RNF103: variants seen among roughly 807,000 people sequenced by gnomAD.
The protein encoded by RNF103 is E3 ubiquitin-protein ligase RNF103.
Under a neutral mutation model 66.2 loss-of-function variants are expected in RNF103, and 23 were observed. The observed-to-expected ratio is 0.35, with a 90% CI of 0.25 to 0.49. RNF103 has a LOEUF of 0.49. Ranked by LOEUF, RNF103 falls within the 20% of genes least tolerant of loss-of-function variation. The probability of loss-of-function intolerance (pLI) is 0.98; values close to 1 mark genes in which losing one functional copy is unlikely to be tolerated. For synonymous variants in RNF103, 297 were observed against 289.9 expected, an observed-to-expected ratio of 1.02 and a Z score of -0.25; for missense variants, 730 against 814.7, an observed-to-expected ratio of 0.90 and a Z score of 1.27.
intron 3 of RNF103, among the ~76,000 whole-genome samples, chr2:86,609,552 A>G (rs1187352801): frequency 6.6e-6 from 1 of 151,882 alleles, no homozygotes; most frequent in East Asian, 1.9e-4. Flanking sequence ...ACGCCTGGCT[A>G]ATTTTTGTAT....
chr2:86,616,966 G>C, intron 2 of RNF103: 2 of 985,366 alleles, frequency 2.0e-6, no homozygotes, highest in Non-Finnish European at 2.4e-6. Flanking sequence ...ATGCTATGAA[G>C]ACTGGGGCCA....
chr2:86,617,742 A>G (rs563635463), intron 2 of RNF103: 31 of 1,012,022 alleles, frequency 3.1e-5, no homozygotes, highest in Admixed American at 1.7e-4. Flanking sequence ...AATGGAGACA[A>G]TATTTCTCTT....
chr2:86,612,205 T>G lies in RNF103; in HGVS notation c.436A>C (p.Arg146=). Residue 146 remains arginine (R), a synonymous_variant, in exon 3 of 4, where the codon AGA becomes CGA. Coordinates refer to ENST00000237455, the MANE Select transcript of RNF103 (RefSeq NM_005667.4). ...HWEKMVKKVS[R]FGIRTGTFNC... ...AATGTGCCTGTACGTATTCCAAATCTTGACACCTTTTTAACCATTTTCTCC... is the reference window on the plus strand; with the variant it reads ...AATGTGCCTGTACGTATTCCAAATCGTGACACCTTTTTAACCATTTTCTCC... 6.2e-7 allele frequency: 1 copy of G among 1,613,958 alleles called. No individual in the cohort carries two copies. Among genetic ancestry groups the G allele is most frequent in the African/African-American group, 1.3e-5 (1 of 75,042 alleles).
chr2:86,621,213 C>G (rs1243349252), intron 1 of RNF103, among the ~76,000 whole-genome samples: 1 of 152,108 alleles, frequency 6.6e-6, no homozygotes, highest in East Asian at 1.9e-4. Context: ...TTGAGTCATA[C>G]TGGGCTGTGC....
rs781483242 is a variant in RNF103, at chr2:86,604,207, G to A, written c.1694C>T (p.Pro565Leu). 1.9e-6 allele frequency: 3 copies of A among 1,613,942 alleles called. No homozygotes were observed. In the Admixed American group the frequency reaches 5.0e-5, roughly 27 times the overall value. The change falls in exon 4 of 4, where the codon CCA becomes CTA. Residue 565 changes from proline (P) to leucine (L), a missense_variant. Pro to Leu is a moderately conservative substitution (Grantham distance 98). Coordinates refer to ENST00000237455, the MANE Select transcript of RNF103 (RefSeq NM_005667.4). The stretch of plus-strand genomic sequence containing the variant: ...AGCATCACAGTGACTTGCTGTTCCT[G>A]GAGAATTGTGAAGTACGCTTTGCTT... ...EDKQSVLHNS[P>L]GTASHCDAEA...
chr2:86,612,185 G>A lies in RNF103; in HGVS notation c.456C>T (p.Gly152=), dbSNP rs145393139. The A allele has an allele frequency of 2.7e-5, 44 of 1,613,174 alleles. No homozygotes were observed. The East Asian group carries it at 4.7e-4, about 17-fold the overall frequency. The part of the protein sequence containing the change: ...KKVSRFGIRT[G]TFNCSSDPRY... ...TGGGATCACTGGAACAGTTAAATGT[G>A]CCTGTACGTATTCCAAATCTTGACA... is the stretch of plus-strand genomic sequence containing the variant. Residue 152 remains glycine, a synonymous_variant, in exon 3 of 4, where the codon GGC becomes GGT. Transcript: ENST00000237455.
Position 86,605,251 on chromosome 2 carries a change from A to C in RNF103, c.650T>G (p.Ile217Ser). ...TAHAASRIKTIYNAEHLKEEW... is the reference protein window; with the variant it reads ...TAHAASRIKTSYNAEHLKEEW... ...TTCTTTCAAGTGTTCAGCATTATAA[A>C]TGGTTTTGATCCGAGAAGCTGCATG... Residue 217 changes from isoleucine (I) to serine (S), a missense_variant, in exon 4 of 4, where the codon ATT becomes AGT. Physicochemically the swap from Ile to Ser is moderately radical, Grantham distance 142. Around this residue, in one of 3 missense-constraint regions of RNF103, gnomAD observed 327 missense variants for 369.8 expected, o/e 0.88. Transcript: ENST00000237455. 6.2e-7 allele frequency: 1 copy of C among 1,614,160 alleles called. No homozygotes were observed. Among genetic ancestry groups the C allele is most frequent in the Non-Finnish European group, 8.5e-7 (1 of 1,180,024 alleles).
In RNF103 at chr2:86,604,469, C is replaced by G. The variant is rs778082446; in HGVS notation, c.1432G>C (p.Val478Leu). The G allele has an allele frequency of 4.3e-6, 7 of 1,614,100 alleles. No individual in the cohort carries two copies. Among genetic ancestry groups the G allele is most frequent in the African/African-American group, 2.7e-5 (2 of 74,934 alleles). ...GGGTCTTCGTCCCAATCAGATTCTA[C>G]AGGAAAGTTCTGAAAAGAAGCAATC... Reference protein sequence around the residue: ...HPIASFQNFPVESDWDEDPDL... With the variant: ...HPIASFQNFPLESDWDEDPDL... The change falls in exon 4 of 4, where the codon GTA (valine) becomes CTA (leucine). Residue 478 changes from valine to leucine, a missense_variant. By Grantham distance (32) the Val-to-Leu change is conservative. This residue lies in a region of RNF103 where 355 missense variants were observed against 351.9 expected (regional missense o/e 1.01). Coordinates refer to ENST00000237455, the MANE Select transcript of RNF103 (RefSeq NM_005667.4).
At position 86,623,229 on chromosome 2, in the gene RNF103, G is replaced by A. The variant is rs957405073; in HGVS notation, c.-343C>T. 2.0e-6 allele frequency: 2 copies of A among 1,011,530 alleles called. No homozygotes were observed. The highest frequency in any genetic ancestry group is 1.7e-5 in the African/African-American group (1 of 57,844). The allele number at this position is 1,011,530 out of a possible 1,614,324, so 62.7% of individuals were successfully genotyped here. A position where few individuals can be genotyped will look rare whatever the true frequency, so the allele number is the denominator to read the frequency against. Reference sequence around the variant, plus strand: ...CGCGGGGAAGAACAAAACGAGGGACGCTTCCCCCGGGGCGGGCACTGACCC... The same window carrying A: ...CGCGGGGAAGAACAAAACGAGGGACACTTCCCCCGGGGCGGGCACTGACCC... On this transcript the variant is annotated 5_prime_UTR_variant, in exon 1 of 4. Transcript: ENST00000237455.
intron 3 of RNF103, among the ~76,000 whole-genome samples, chr2:86,608,634 C>T (rs1249932865): frequency 1.3e-5 from 2 of 151,966 alleles, no homozygotes. Flanking sequence ...TTCTCCTTCC[C>T]CGTTTTTTCC....
intron 3 of RNF103, among the ~76,000 whole-genome samples, chr2:86,610,443 T>TTTATAAGA (rs1196581627): frequency 1.3e-5 from 2 of 152,228 alleles, no homozygotes; most frequent in Admixed American, 1.3e-4. Flanking sequence ...TGCACTCTGA[T>TTTATAAGA]TTATAAGATT....
At chr2:86,616,779 G>C in intron 2 of RNF103, 1 of 985,398 alleles carries the variant, frequency 1.0e-6, no homozygotes, top group Non-Finnish European at 1.2e-6. Context: ...GAACAAATAT[G>C]TCCTTCTTTG....
At chr2:86,605,615 T>A (rs894019188) in intron 3 of RNF103, among the ~76,000 whole-genome samples, 197 bp from the exon 4 acceptor site, 1 of 152,156 alleles carries the variant, frequency 6.6e-6, no homozygotes, top group African/African-American at 2.4e-5. Flanking sequence ...TCTTTTTTTT[T>A]TATTAAATAA....
rs113971725 is a variant in RNF103 at position 86,615,187 on chromosome 2, G to A, written c.367-2913C>T. The A allele has an allele frequency of 2.9e-4, 283 of 985,400 alleles. No homozygotes were observed. The African/African-American group carries it at 4.7e-3, about 16-fold the overall frequency. 61.0% of individuals were successfully genotyped at this position (985,400 alleles called of 1,614,324 possible). A position where few individuals can be genotyped will look rare whatever the true frequency, so the allele number is the denominator to read the frequency against. ...AGGTACAAGACAATGTTCAATGCCAGGGCCTTATTTATTCAGCAACGTGTT... is the reference window on the plus strand; with the variant it reads ...AGGTACAAGACAATGTTCAATGCCAAGGCCTTATTTATTCAGCAACGTGTT... On this transcript the variant is annotated intron_variant, in intron 2 of 3. Coordinates refer to ENST00000237455, the MANE Select transcript of RNF103 (RefSeq NM_005667.4).
chr2:86,617,337 T>C lies in RNF103; in HGVS notation c.366+2993A>G, dbSNP rs1051236460. On this transcript the variant is annotated intron_variant, in intron 2 of 3. Transcript: ENST00000237455. The stretch of plus-strand genomic sequence containing the variant: ...CTTCTAAAATACAGTGGTCTCCCCT[T>C]ACCCTCAGTTTCACTTTCTGCAGTC... 2.3e-5 allele frequency: 23 copies of C among 984,606 alleles called. 1 individual carries two copies. In the Admixed American group the frequency reaches 1.4e-3, roughly 61 times the overall value. 61.0% of individuals were successfully genotyped at this position (984,606 alleles called of 1,614,324 possible). A position where few individuals can be genotyped will look rare whatever the true frequency, so the allele number is the denominator to read the frequency against.
intron 1 of RNF103, 29 bp from the exon 2 acceptor site, chr2:86,620,498 A>C: frequency 6.6e-7 from 1 of 1,511,662 alleles, no homozygotes; most frequent in Non-Finnish European, 8.9e-7. Flanking sequence ...TAACACTAAT[A>C]AGGTTGCAAG....
chr2:86,612,086 G>T, intron 3 of RNF103, 73 bp downstream of exon 3: 1 of 892,468 alleles, frequency 1.1e-6, no homozygotes, highest in Non-Finnish European at 1.8e-6. Context: ...CAGGCTTCTA[G>T]TATCATTGCC....
At chr2:86,609,786 C>T (rs931941565) in intron 3 of RNF103, among the ~76,000 whole-genome samples, 2 of 152,074 alleles carry the variant, frequency 1.3e-5, no homozygotes, top group African/African-American at 4.8e-5. Flanking sequence ...AGTCAGCTGC[C>T]CAGAGGCCAC....
In RNF103 at chr2:86,623,534, G is replaced by C; in HGVS notation, c.-648C>G. The C allele has an allele frequency of 1.0e-6, 1 of 985,194 alleles. No individual in the cohort carries two copies. Among genetic ancestry groups the C allele is most frequent in the African/African-American group, 1.7e-5 (1 of 57,208 alleles). 61.0% of individuals were successfully genotyped at this position (985,194 alleles called of 1,614,324 possible). ...CGACCGCCCAGGCTCCGCGAGAAGAGCGGCGGGCACGGCGGCGGCTCCAGG... is the reference window on the plus strand; with the variant it reads ...CGACCGCCCAGGCTCCGCGAGAAGACCGGCGGGCACGGCGGCGGCTCCAGG... On this transcript the variant is annotated 5_prime_UTR_variant, in exon 1 of 4. Coordinates refer to ENST00000237455, the MANE Select transcript of RNF103 (RefSeq NM_005667.4).
Sources: gnomAD v4.1 joint callset for allele counts (sites outside exome capture counted in the v4.1 genomes callset) on GRCh38, gnomAD v4.1.1 for gene constraint, gnomAD v4.1.1 regional missense constraint, MANE v1.5 for transcripts, NCBI Gene and HGNC (gene_info 2026-07-23, HGNC 2026-07-21) for gene names.